ERC2: variants seen among roughly 807,000 people sequenced by gnomAD.
ERC2 encodes ELKS/RAB6-interacting/CAST family member 2.
ERC2 carries 42 observed loss-of-function variants against 114.8 expected under a neutral mutation model. That is an observed-to-expected ratio of 0.37 (90% CI 0.29 to 0.47). ERC2 has a LOEUF of 0.47. ERC2 is among the 20% of genes least tolerant of loss of function. The probability of loss-of-function intolerance (pLI) is 0.99; values close to 1 mark genes in which losing one functional copy is unlikely to be tolerated. For synonymous variants in ERC2, 454 were observed against 425.5 expected, an observed-to-expected ratio of 1.07 and a Z score of -0.82; for missense variants, 939 against 1,150.7, an observed-to-expected ratio of 0.82 and a Z score of 2.66.
intron 17 of ERC2, among the ~76,000 whole-genome samples, chr3:55,515,121 G>A (rs900881932): frequency 2.6e-5 from 4 of 152,134 alleles, no homozygotes; most frequent in African/African-American, 9.7e-5. Flanking sequence ...ACTGTGATAG[G>A]GATGCCTAAG....
chr3:56,013,863 A>C (rs1262283778), intron 8 of ERC2, among the ~76,000 whole-genome samples: 1 of 152,178 alleles, frequency 6.6e-6, no homozygotes, highest in Non-Finnish European at 1.5e-5. Flanking sequence ...AGGAAACTGT[A>C]TTTTAAGAAA....
chr3:56,346,885 A>T (rs565725183), intron 2 of ERC2, among the ~76,000 whole-genome samples: 22 of 152,290 alleles, frequency 1.4e-4, no homozygotes, highest in Non-Finnish European at 2.6e-4. Flanking sequence ...AGAGCACGAG[A>T]TGGAGTTCAC....
At chr3:56,410,923 T>A (rs1462995050) in intron 2 of ERC2, among the ~76,000 whole-genome samples, 1 of 151,784 alleles carries the variant, frequency 6.6e-6, no homozygotes, top group East Asian at 1.9e-4. Context: ...TTGCCCAGGA[T>A]ACAGTAGGAA....
intron 4 of ERC2, among the ~76,000 whole-genome samples, chr3:56,158,164 A>AT (rs2081841197): frequency 6.6e-6 from 1 of 152,180 alleles, no homozygotes; most frequent in South Asian, 2.1e-4. Context: ...ACTTGGCAGA[A>AT]TTTTTAAAGT....
intron 6 of ERC2, among the ~76,000 whole-genome samples, chr3:56,105,800 C>T (rs1292510442): frequency 6.6e-6 from 1 of 152,154 alleles, no homozygotes; most frequent in African/African-American, 2.4e-5. Context: ...CCAGGAAGAG[C>T]CAAGGAGATG....
chr3:56,087,787 G>A (rs1476741581), intron 6 of ERC2, among the ~76,000 whole-genome samples: 17 of 152,076 alleles, frequency 1.1e-4, no homozygotes, highest in Admixed American at 1.1e-3. Context: ...AGCTTCATTT[G>A]TTTGTTTTTC....
chr3:56,211,392 A>G (rs2049049463), intron 3 of ERC2, among the ~76,000 whole-genome samples: 1 of 152,216 alleles, frequency 6.6e-6, no homozygotes, highest in Admixed American at 6.5e-5. Context: ...AATATACTTA[A>G]GCAAGGAGGT....
rs142938914 is a variant in ERC2, at chr3:56,019,316, C to T, written c.1642-285G>A. ...CACTATTATTTCTTTGTATTTCTATCCCTTTTACCAGCCTTTTAGGTCTCA... is the reference window on the plus strand; with the variant it reads ...CACTATTATTTCTTTGTATTTCTATTCCTTTTACCAGCCTTTTAGGTCTCA... On this transcript the variant is annotated intron_variant, in intron 7 of 17. Transcript: ENST00000288221. Among the ~76,000 whole-genome samples the T allele has an allele frequency of 6.5e-4, 99 of 152,250 alleles. 2 individuals carry two copies. The East Asian group carries it at 0.018, about 28-fold the overall frequency.
rs545870202 is a variant in ERC2 at position 56,306,635 on chromosome 3, G to A, written c.658-10200C>T. The stretch of plus-strand genomic sequence containing the variant: ...TAATTTTCTCAGGTGGGGCAGGGAG[G>A]CTCTCCAGGTGTTCATGTTAGTATT... On this transcript the variant is annotated intron_variant, in intron 2 of 17. Transcript: ENST00000288221. 9.2e-5 allele frequency among the ~76,000 whole-genome samples: 14 copies of A among 152,280 alleles called. No individual in the cohort carries two copies. The South Asian group carries it at 2.9e-3, about 32-fold the overall frequency.
chr3:55,890,178 T>A (rs1173933769), intron 13 of ERC2, among the ~76,000 whole-genome samples: 1 of 152,206 alleles, frequency 6.6e-6, no homozygotes, highest in African/African-American at 2.4e-5. Context: ...TCACAGAACA[T>A]CACAAATATG....
intron 2 of ERC2, among the ~76,000 whole-genome samples, chr3:56,370,874 A>T (rs577662456): frequency 6.6e-6 from 1 of 152,200 alleles, no homozygotes; most frequent in Non-Finnish European, 1.5e-5. Flanking sequence ...GATTGCAGGC[A>T]TGAGGCACTG....
rs1403965524 is a variant in ERC2, at chr3:56,398,713, T to G, written c.657+35638A>C. Among the ~76,000 whole-genome samples, 4 of 152,272 alleles carry G rather than the reference T, an allele frequency of 2.6e-5. No homozygotes were observed. In the East Asian group the frequency reaches 7.7e-4, roughly 29 times the overall value. On this transcript the variant is annotated intron_variant, in intron 2 of 17. Transcript: ENST00000288221. ...TATGATCATAGTTCACTGTAACTCCTGTGCTCAAGCAATCCCCTCACCTCA... is the reference window on the plus strand; with the variant it reads ...TATGATCATAGTTCACTGTAACTCCGGTGCTCAAGCAATCCCCTCACCTCA...
At position 55,674,634 on chromosome 3, in the gene ERC2, G is replaced by A. The variant is rs371365831; in HGVS notation, c.*39+9160C>T. Among the ~76,000 whole-genome samples the A allele has an allele frequency of 1.0e-3, 152 of 152,280 alleles. 4 individuals carry two copies. In the South Asian group the frequency reaches 0.031, roughly 31 times the overall value. ...GATGGACAAAGATACAATGTGCAGCGAGGGGTCTTTCGCCACATATGGGAG... is the reference window on the plus strand; with the variant it reads ...GATGGACAAAGATACAATGTGCAGCAAGGGGTCTTTCGCCACATATGGGAG... On this transcript the variant is annotated intron_variant, in intron 17 of 17. Coordinates refer to ENST00000288221, the MANE Select transcript of ERC2 (RefSeq NM_015576.3).
intron 2 of ERC2, among the ~76,000 whole-genome samples, chr3:56,416,894 C>A (rs1293538913): frequency 6.6e-6 from 1 of 152,140 alleles, no homozygotes; most frequent in Non-Finnish European, 1.5e-5. Context: ...GTTTGACCTT[C>A]TGGGGTGGCA....
chr3:55,544,938 A>G (rs1435532932), intron 17 of ERC2, among the ~76,000 whole-genome samples: 2 of 152,228 alleles, frequency 1.3e-5, no homozygotes, highest in African/African-American at 4.8e-5. Context: ...TTTGACATCC[A>G]TATCTTTGCT....
At chr3:56,112,478 C>T (rs2079016816) in intron 6 of ERC2, among the ~76,000 whole-genome samples, 1 of 151,736 alleles carries the variant, frequency 6.6e-6, no homozygotes, top group Admixed American at 6.6e-5. Context: ...TTGGCACACA[C>T]ACATAGGCAC....
intron 3 of ERC2, among the ~76,000 whole-genome samples, chr3:56,216,381 T>C (rs2049472995): frequency 6.6e-6 from 1 of 152,106 alleles, no homozygotes; most frequent in South Asian, 2.1e-4. Flanking sequence ...ACAAATAAAC[T>C]AGAAAATCTA....
intron 3 of ERC2, among the ~76,000 whole-genome samples, chr3:56,199,733 C>G (rs889219174): frequency 1.3e-5 from 2 of 151,974 alleles, no homozygotes; most frequent in African/African-American, 2.4e-5. Context: ...GCTCTGGAAC[C>G]CCTGGGCTCA....
At chr3:56,378,207 G>C (rs996252135) in intron 2 of ERC2, among the ~76,000 whole-genome samples, 6 of 150,078 alleles carry the variant, frequency 4.0e-5, no homozygotes, top group African/African-American at 9.9e-5. Context: ...TTAAGAAAAT[G>C]TGGCACATAT....
Sources: gnomAD v4.1 joint callset for allele counts (sites outside exome capture counted in the v4.1 genomes callset) on GRCh38, gnomAD v4.1.1 for gene constraint, MANE v1.5 for transcripts, NCBI Gene and HGNC (gene_info 2026-07-23, HGNC 2026-07-21) for gene names.